The following ITGAV variants were observed in gnomAD, a reference collection of about 807,000 sequenced individuals.
ITGAV encodes the protein integrin alpha-V.
In ITGAV, 76 loss-of-function variants were observed where a neutral mutation model predicts 143.8. The ratio of observed to expected loss-of-function variants is 0.53; its 90% confidence interval spans 0.44 to 0.64. The LOEUF (loss-of-function observed/expected upper bound fraction) is 0.64, where lower values mean the gene tolerates loss of function less well. Ranked by LOEUF, ITGAV falls within the 30% of genes least tolerant of loss-of-function variation. The pLI, the probability that ITGAV is intolerant of heterozygous loss-of-function variation, is 0.00. For synonymous variants in ITGAV, 453 were observed against 446.7 expected, an observed-to-expected ratio of 1.01 and a Z score of -0.18; for missense variants, 1,193 against 1,274.7, an observed-to-expected ratio of 0.94 and a Z score of 0.98.
chr2:186,623,223 G>C (rs574769128), intron 3 of ITGAV, among the ~76,000 whole-genome samples: 1 of 152,042 alleles, frequency 6.6e-6, no homozygotes, highest in Non-Finnish European at 1.5e-5. Context: ...TTGACTTTCA[G>C]GTCACTGAAA....
intron 16 of ITGAV, among the ~76,000 whole-genome samples, chr2:186,655,117 A>G (rs1484359901): frequency 6.6e-6 from 1 of 151,924 alleles, no homozygotes; most frequent in African/African-American, 2.4e-5. Flanking sequence ...AGTGAGAAGG[A>G]GGAGAAAAAG....
At chr2:186,602,722 CA>C (rs1474648234) in intron 2 of ITGAV, among the ~76,000 whole-genome samples, 1 of 151,916 alleles carries the variant, frequency 6.6e-6, no homozygotes. Context: ...ACTAAAAATA[CA>C]AAAATTTGCT....
intron 1 of ITGAV, among the ~76,000 whole-genome samples, chr2:186,592,568 TTAAG>T (rs1271669121): frequency 2.9e-5 from 3 of 103,796 alleles, no homozygotes; most frequent in African/African-American, 8.8e-5. Flanking sequence ...CTGATAAACT[TTAAG>T]TGTTTTTTTT....
chr2:186,648,067 C>T (rs1270276146), intron 13 of ITGAV, among the ~76,000 whole-genome samples: 3 of 152,104 alleles, frequency 2.0e-5, no homozygotes, highest in Non-Finnish European at 2.9e-5. Context: ...TTTTATTCAA[C>T]GTTTCAGAAA....
At chr2:186,630,928 C>G in intron 5 of ITGAV, 70 bp downstream of exon 5, 1 of 761,672 alleles carries the variant, frequency 1.3e-6, no homozygotes, top group South Asian at 1.7e-5. Flanking sequence ...TAAAAATAAA[C>G]TGGTCAATAC....
At chr2:186,639,100 TTAC>T (rs1194891147) in intron 10 of ITGAV, among the ~76,000 whole-genome samples, 3 of 152,184 alleles carry the variant, frequency 2.0e-5, no homozygotes, top group Non-Finnish European at 4.4e-5. Flanking sequence ...AACTTCATTT[TTAC>T]TACATGAAAT....
chr2:186,600,377 T>C (rs956961391), intron 1 of ITGAV: 1 of 1,533,928 alleles, frequency 6.5e-7, no homozygotes, highest in Non-Finnish European at 8.8e-7. Flanking sequence ...CATCTTAATG[T>C]TGTGGTGAGT....
chr2:186,668,014 A>G (rs1339351032), intron 24 of ITGAV: 1 of 221,896 alleles, frequency 4.5e-6, no homozygotes, highest in African/African-American at 2.3e-5. Context: ...AATTAGTTCT[A>G]CTTGAATAAA....
At chr2:186,606,430 C>T (rs1687067493) in intron 2 of ITGAV, among the ~76,000 whole-genome samples, 1 of 152,130 alleles carries the variant, frequency 6.6e-6, no homozygotes, top group African/African-American at 2.4e-5. Context: ...GATTACATCG[C>T]ATGAGTTAAT....
At chr2:186,605,731 T>C in intron 2 of ITGAV, among the ~76,000 whole-genome samples, 1 of 128,388 alleles carries the variant, frequency 7.8e-6, no homozygotes, top group Non-Finnish European at 1.6e-5. Context: ...CTTTAGTGGT[T>C]GTAGATGTGT....
intron 18 of ITGAV, among the ~76,000 whole-genome samples, chr2:186,661,770 G>A (rs1206205319): frequency 6.6e-6 from 1 of 151,624 alleles, no homozygotes; most frequent in Non-Finnish European, 1.5e-5. Context: ...CTAATTTTTT[G>A]TATTTCAGGA....
intron 24 of ITGAV, 96 bp from the exon 25 acceptor site, chr2:186,668,666 C>A (rs1176289323): frequency 9.3e-7 from 1 of 1,070,338 alleles, no homozygotes; most frequent in African/African-American, 1.6e-5. Context: ...TTATTTAAAA[C>A]CTATTGCTAA....
Position 186,656,353 on chromosome 2 carries a change from TTCAA to T in ITGAV, c.1672_1675del (p.Ser558GlyfsTer4), listed in dbSNP as rs1688583972. On this transcript the variant is annotated frameshift_variant, in exon 17 of 30. Transcript: ENST00000261023. LOFTEE classifies it high-confidence loss of function. ...CAAGTCACTCCAAGAACATGACTAT[TTCAA>T]GGGGGGGACTGATGCAGTGTGAGGA... 6.4e-7 allele frequency: 1 copy of T among 1,558,490 alleles called. No individual in the cohort carries two copies. Among genetic ancestry groups the T allele is most frequent in the Admixed American group, 2.0e-5 (1 of 48,904 alleles).
At position 186,651,974 on chromosome 2, in the gene ITGAV, C is replaced by T; in HGVS notation, c.1398-8C>T. 2 of 1,539,350 alleles carry T rather than the reference C, an allele frequency of 1.3e-6. No individual in the cohort carries two copies. Among genetic ancestry groups the T allele is most frequent in the Non-Finnish European group, 1.8e-6 (2 of 1,129,180 alleles). ...TTTTACTTCATCTTCTTTTCCCTCCCCCGCTAGGGCCAGACCAGTTATCAC... is the reference window on the plus strand; with the variant it reads ...TTTTACTTCATCTTCTTTTCCCTCCTCCGCTAGGGCCAGACCAGTTATCAC... On this transcript the variant is annotated splice_region_variant and splice_polypyrimidine_tract_variant and intron_variant, in intron 14 of 29. Transcript: ENST00000261023.
intron 26 of ITGAV, 23 bp from the exon 27 acceptor site, chr2:186,675,581 A>T: frequency 1.3e-6 from 2 of 1,569,504 alleles, no homozygotes; most frequent in Non-Finnish European, 1.8e-6. Context: ...CTTTTCTTAT[A>T]AGTAAAGGAT....
intron 28 of ITGAV, 54 bp downstream of exon 28, chr2:186,675,981 C>A (rs1395713949): frequency 1.0e-5 from 10 of 957,448 alleles, no homozygotes; most frequent in South Asian, 1.4e-5. Flanking sequence ...AAATGCTGTA[C>A]ATGTTTTTAT....
intron 16 of ITGAV, among the ~76,000 whole-genome samples, chr2:186,655,146 A>AT (rs1250486817): frequency 6.6e-6 from 1 of 152,190 alleles, no homozygotes; most frequent in Non-Finnish European, 1.5e-5. Flanking sequence ...ATGCAATTTA[A>AT]TTCACACAGC....
chr2:186,668,624 T>C (rs1688979229), intron 24 of ITGAV, 138 bp from the exon 25 acceptor site: 3 of 685,544 alleles, frequency 4.4e-6, no homozygotes, highest in Non-Finnish European at 7.6e-6. Context: ...AATGGTCACA[T>C]TGTAATTAGA....
At chr2:186,668,185 C>CATATATATATATATATATATATAT (rs1225346630) in intron 24 of ITGAV, among the ~76,000 whole-genome samples, 9 of 19,072 alleles carry the variant, frequency 4.7e-4, no homozygotes, top group Admixed American at 1.3e-3. Flanking sequence ...TACATACATA[C>CATATATATATATATATATATATAT]ATATATATAT....
Sources: allele counts gnomAD v4.1 joint callset (sites outside exome capture counted in the v4.1 genomes callset), GRCh38; gene constraint gnomAD v4.1.1; transcripts MANE v1.5; gene names NCBI Gene and HGNC (gene_info 2026-07-23, HGNC 2026-07-21).